ZNF404: variants seen among roughly 807,000 people sequenced by gnomAD.
ZNF404 encodes zinc finger protein 404.
In ZNF404, 7 loss-of-function variants were observed where a neutral mutation model predicts 7.3. The observed-to-expected ratio is 0.95, with a 90% confidence interval of 0.54 to 1.79. The LOEUF (loss-of-function observed/expected upper bound fraction) is 1.79. Among genes scored for constraint, ZNF404 ranks in the 40% most tolerant of loss-of-function variants. ZNF404 has a pLI of 0.00. For synonymous variants in ZNF404, 191 were observed against 209.9 expected (o/e 0.91, Z 0.78); for missense variants, 560 against 661.5 (o/e 0.85, Z 1.68).
chr19:43,874,206 T>C, intron 2 of ZNF404, 129 bp from the exon 3 acceptor site: 3 of 693,378 alleles, frequency 4.3e-6, no homozygotes, highest in Non-Finnish European at 6.7e-6. Flanking sequence ...TAGAAAATTC[T>C]AAAGTACTGC....
intron 2 of ZNF404, among the ~76,000 whole-genome samples, chr19:43,879,075 CA>C (rs1370052902): frequency 2.0e-5 from 3 of 151,482 alleles, no homozygotes; most frequent in Admixed American, 6.6e-5. Flanking sequence ...CCAGATGATA[CA>C]AAAAATGAGG....
chr19:43,883,249 C>T lies in ZNF404; in HGVS notation c.9+707G>A, dbSNP rs562603687. Among the ~76,000 whole-genome samples the T allele has an allele frequency of 2.0e-5, 3 of 152,160 alleles. 1 individual carries two copies. The South Asian group carries it at 6.2e-4, about 32-fold the overall frequency. ...TGTTGGACACAAATTCCAACCTCTTCCCCATAGTTCAATATCATCTACCAC... is the reference window on the plus strand; with the variant it reads ...TGTTGGACACAAATTCCAACCTCTTTCCCATAGTTCAATATCATCTACCAC... On this transcript the variant is annotated intron_variant, in intron 1 of 2. Transcript: ENST00000587539.
chr19:43,874,147 TA>T, intron 2 of ZNF404, 70 bp from the exon 3 acceptor site: 7 of 1,057,238 alleles, frequency 6.6e-6, no homozygotes, highest in Non-Finnish European at 9.2e-6. Context: ...ACATCTATAT[TA>T]AAAATAGTGA....
intron 1 of ZNF404, among the ~76,000 whole-genome samples, chr19:43,881,384 T>G (rs1971893695): frequency 6.6e-6 from 1 of 152,186 alleles, no homozygotes; most frequent in African/African-American, 2.4e-5. Flanking sequence ...GTTAGCAAGC[T>G]GAGAAGATAC....
At chr19:43,882,536 C>T (rs1483223605) in intron 1 of ZNF404, among the ~76,000 whole-genome samples, 1 of 152,030 alleles carries the variant, frequency 6.6e-6, no homozygotes, top group Admixed American at 6.6e-5. Context: ...GGATTTCATC[C>T]AGAAATGGAA....
At position 43,872,399 on chromosome 19, in the gene ZNF404, C is replaced by T. The variant is rs1971816655; in HGVS notation, c.*156G>A. The T allele has an allele frequency of 1.1e-5, 6 of 536,004 alleles. No individual in the cohort carries two copies. Among genetic ancestry groups the T allele is most frequent in the South Asian group, 8.8e-5 (2 of 22,790 alleles). 33.2% of individuals were successfully genotyped at this position (536,004 alleles called of 1,614,324 possible). On this transcript the variant is annotated 3_prime_UTR_variant, in exon 3 of 3. Coordinates refer to ENST00000587539, the MANE Select transcript of ZNF404 (RefSeq NM_001033719.3). The surrounding 1 kb of genome is among the most constrained non-coding windows in gnomAD (Gnocchi z 4.4). ...TAAGATTTATTTTTAGTAATTCTAA[C>T]AATTATCATAAAAATAATGTATTTA...
chr19:43,883,124 G>A (rs924975919), intron 1 of ZNF404, among the ~76,000 whole-genome samples: 3 of 151,872 alleles, frequency 2.0e-5, no homozygotes, highest in African/African-American at 2.4e-5. Context: ...AGAATCAAGT[G>A]ACAAGCACCC....
chr19:43,878,557 C>G (rs1971870061), intron 2 of ZNF404, among the ~76,000 whole-genome samples: 1 of 152,120 alleles, frequency 6.6e-6, no homozygotes, highest in Admixed American at 6.5e-5. Context: ...ATGGAACTAC[C>G]CTGGAGGCTC....
intron 1 of ZNF404, 64 bp downstream of exon 1, chr19:43,883,891 AT>A: frequency 6.4e-7 from 1 of 1,567,036 alleles, no homozygotes; most frequent in African/African-American, 1.4e-5. Context: ...GATTAAAAAA[AT>A]GAAAATATTA....
At chr19:43,880,915 C>CA (rs1416133554) in intron 1 of ZNF404, among the ~76,000 whole-genome samples, 2 of 152,164 alleles carry the variant, frequency 1.3e-5, no homozygotes, top group African/African-American at 4.8e-5. Context: ...GACCAAGGCT[C>CA]AATCCAAGCC....
intron 2 of ZNF404, among the ~76,000 whole-genome samples, chr19:43,878,877 C>A (rs78271391): frequency 2.6e-3 from 396 of 152,316 alleles, no homozygotes; most frequent in African/African-American, 9.0e-3. Context: ...TGTCATCAGC[C>A]TGCATTCTAT....
chr19:43,872,907 T>TA lies in ZNF404; in HGVS notation c.1306_1307insT (p.Glu436ValfsTer5). The TA allele has an allele frequency of 6.2e-7, 1 of 1,607,764 alleles. No homozygotes were observed. The highest frequency in any genetic ancestry group is 1.7e-5 in the Admixed American group (1 of 58,854). On this transcript the variant is annotated frameshift_variant, in exon 3 of 3. Transcript: ENST00000587539. LOFTEE classifies it low-confidence loss of function (END_TRUNC). This position sits in a 1 kb window ranked among gnomAD's most constrained non-coding sequence, Gnocchi z 4.4. The stretch of plus-strand genomic sequence containing the variant: ...ACATTCCTTACATTCATAGGGTTTC[T>TA]CCCCAGCATGAATTGATTGATGTGT...
intron 2 of ZNF404, among the ~76,000 whole-genome samples, chr19:43,874,762 C>T (rs555003588): frequency 6.6e-6 from 1 of 152,036 alleles, no homozygotes; most frequent in African/African-American, 2.4e-5. Context: ...CCTTTATACT[C>T]CTTCTCTCAA....
Position 43,873,981 on chromosome 19 carries a change from G to C in ZNF404, c.233C>G (p.Thr78Ser). ...YHQETWKRNK[T>S]FNLMRFIFRT... ...GAAAATAAACCTCATAAGGTTGAAGGTTTTATTTCTTTTCCATGTCTCCTG... is the reference window on the plus strand; with the variant it reads ...GAAAATAAACCTCATAAGGTTGAAGCTTTTATTTCTTTTCCATGTCTCCTG... The change falls in exon 3 of 3, where the codon ACC becomes AGC. Residue 78 changes from threonine to serine, a missense_variant. Transcript: ENST00000587539. The C allele has an allele frequency of 1.9e-6, 3 of 1,612,212 alleles. No homozygotes were observed. The highest frequency in any genetic ancestry group is 2.5e-6 in the Non-Finnish European group (3 of 1,179,210).
At chr19:43,880,506 A>G (rs955511747) in intron 1 of ZNF404, among the ~76,000 whole-genome samples, 1 of 152,212 alleles carries the variant, frequency 6.6e-6, no homozygotes, top group African/African-American at 2.4e-5. Context: ...AGGAATATGA[A>G]AAACCATGAA....
chr19:43,876,441 T>C (rs937914206), intron 2 of ZNF404, among the ~76,000 whole-genome samples: 1 of 152,054 alleles, frequency 6.6e-6, no homozygotes, highest in Non-Finnish European at 1.5e-5. Flanking sequence ...ATACAAACCA[T>C]TATTTCCTTT....
intron 2 of ZNF404, among the ~76,000 whole-genome samples, chr19:43,878,370 T>C (rs10418216): frequency 0.072 from 10,977 of 152,074 alleles, 735 homozygotes; most frequent in African/African-American, 0.18. Context: ...TTTGGCTGCA[T>C]AAATGTCTTC....
intron 1 of ZNF404, chr19:43,881,863 A>G (rs1299408379): frequency 1.3e-5 from 2 of 151,696 alleles, no homozygotes. Flanking sequence ...AGGCTGAGGC[A>G]AGAGAATTGC....
chr19:43,873,894 A>C lies in ZNF404; in HGVS notation c.320T>G (p.Phe107Cys). 6.2e-7 allele frequency: 1 copy of C among 1,613,096 alleles called. No homozygotes were observed. Among genetic ancestry groups the C allele is most frequent in the Non-Finnish European group, 8.5e-7 (1 of 1,179,514 alleles). Residue 107 changes from phenylalanine (F) to cysteine (C), a missense_variant, in exon 3 of 3, where the codon TTT becomes TGT. Physicochemically the swap from Phe to Cys is radical, Grantham distance 205. Transcript: ENST00000587539. ...ATGTTTTTTGAATATCATTTGACTA[A>C]AACATCCCACTTTAGGTCTCTGTTG... ...GRQQRPKVGCFSQMIFKKHKS... is the reference protein window; with the variant it reads ...GRQQRPKVGCCSQMIFKKHKS...
Sources: allele counts gnomAD v4.1 joint callset (sites outside exome capture counted in the v4.1 genomes callset), GRCh38; gene constraint gnomAD v4.1.1; non-coding constraint Gnocchi (gnomAD v3.1); transcripts MANE v1.5; gene names NCBI Gene and HGNC (gene_info 2026-07-23, HGNC 2026-07-21).